ALKAL2: variants seen among roughly 807,000 people sequenced by gnomAD.
The protein encoded by ALKAL2 is ALK and LTK ligand 2.
Under a neutral mutation model 18.5 loss-of-function variants are expected in ALKAL2, and 8 were observed. The ratio of observed to expected loss-of-function variants is 0.43; its 90% CI spans 0.25 to 0.78. The LOEUF (loss-of-function observed/expected upper bound fraction) is 0.78. ALKAL2 is among the 30% of genes least tolerant of loss of function. The probability of loss-of-function intolerance (pLI) is 0.22; values close to 1 mark genes in which losing one functional copy is unlikely to be tolerated. For synonymous variants in ALKAL2, 135 were observed against 95.8 expected (o/e 1.41, Z -2.39); for missense variants, 241 against 211.2 (o/e 1.14, Z -0.88).
In ALKAL2 at chr2:288,043, G is replaced by C. The variant is rs1670591104; in HGVS notation, c.-88C>G. ...CGGACCCCGAGGAACAAGCCGGCAG[G>C]TGAGGGAGCCGCGGTCTCCTCGACG... is the stretch of plus-strand genomic sequence containing the variant. On this transcript the variant is annotated 5_prime_UTR_variant, in exon 1 of 6. Transcript: ENST00000403610. The C allele has an allele frequency of 8.2e-7, 1 of 1,216,616 alleles. No homozygotes were observed. Among genetic ancestry groups the C allele is most frequent in the Non-Finnish European group, 1.0e-6 (1 of 979,714 alleles). 75.4% of individuals were successfully genotyped at this position (1,216,616 alleles called of 1,614,324 possible). A position where few individuals can be genotyped will look rare whatever the true frequency, so the allele number is the denominator to read the frequency against.
chr2:283,952 A>C (rs1220729867), intron 4 of ALKAL2, among the ~76,000 whole-genome samples: 2 of 152,260 alleles, frequency 1.3e-5, no homozygotes, highest in Non-Finnish European at 2.9e-5. Context: ...TATGTTAGTT[A>C]AGGAGCCAGC....
intron 2 of ALKAL2, 129 bp downstream of exon 2, chr2:287,448 TAAAAAA>T (rs67240058): frequency 3.4e-3 from 1,470 of 437,404 alleles, no homozygotes; most frequent in South Asian, 5.0e-3. Flanking sequence ...TTCTTTTTCT[TAAAAAA>T]AAAAAAAAAA....
intron 5 of ALKAL2, among the ~76,000 whole-genome samples, chr2:280,504 G>C (rs1319887870): frequency 2.6e-5 from 4 of 152,168 alleles, no homozygotes; most frequent in African/African-American, 9.7e-5. Context: ...GTGTTCACAG[G>C]GTTGGTAAAG....
Position 287,754 on chromosome 2 carries a change from G to C in ALKAL2, c.82C>G (p.Pro28Ala). 6.9e-7 allele frequency: 1 copy of C among 1,446,830 alleles called. No individual in the cohort carries two copies. The highest frequency in any genetic ancestry group is 9.1e-7 in the Non-Finnish European group (1 of 1,103,630). The allele number at this position is 1,446,830 out of a possible 1,614,324, so 89.6% of individuals were successfully genotyped here. ...GCCTGTCCGTCCGCCGGCTCCCGGG[G>C]CTCCGCGCCCCCCCGGCCGCGCCCC... is the stretch of plus-strand genomic sequence containing the variant. ...AAGRGRGGAE[P>A]REPADGQALL... Residue 28 changes from proline to alanine, a missense_variant, in exon 2 of 6, where the codon CCC becomes GCC. Pro to Ala is a conservative substitution (Grantham distance 27). Coordinates refer to ENST00000403610, the MANE Select transcript of ALKAL2 (RefSeq NM_001002919.3).
In ALKAL2 at chr2:287,786, C is replaced by A; in HGVS notation, c.50G>T (p.Gly17Val). The A allele has an allele frequency of 7.2e-7, 1 of 1,393,746 alleles. No homozygotes were observed. The highest frequency in any genetic ancestry group is 1.6e-5 in the South Asian group (1 of 61,554). 86.3% of individuals were successfully genotyped at this position (1,393,746 alleles called of 1,614,324 possible). Residue 17 changes from glycine (G) to valine (V), a missense_variant, in exon 2 of 6, where the codon GGG becomes GTG. Coordinates refer to ENST00000403610, the MANE Select transcript of ALKAL2 (RefSeq NM_001002919.3). ...PLLLGLLLVLGAAGRGRGGAE... is the reference protein window; with the variant it reads ...PLLLGLLLVLVAAGRGRGGAE... ...GCCCCCCCGGCCGCGCCCCGCCGCCCCCAGCACCAGCAGCAGCCCCAGGAG... is the reference window on the plus strand; with the variant it reads ...GCCCCCCCGGCCGCGCCCCGCCGCCACCAGCACCAGCAGCAGCCCCAGGAG...
At chr2:281,513 T>C (rs1670343199) in intron 5 of ALKAL2, among the ~76,000 whole-genome samples, 1 of 152,192 alleles carries the variant, frequency 6.6e-6, no homozygotes, top group Non-Finnish European at 1.5e-5. Context: ...AGGGCATCAC[T>C]GTGGCGTTTG....
At position 287,645 on chromosome 2, in the gene ALKAL2, C is replaced by G. The variant is rs1315371153; in HGVS notation, c.191G>C (p.Arg64Pro). 3 of 1,481,886 alleles carry G rather than the reference C, an allele frequency of 2.0e-6. No individual in the cohort carries two copies. The highest frequency in any genetic ancestry group is 2.5e-5 in the South Asian group (2 of 78,460). 91.8% of individuals were successfully genotyped at this position (1,481,886 alleles called of 1,614,324 possible). ...CTCCGCGCGGCCCAGGGCGCAGTCC[C>G]GCCCGAGGAGCTGCAGGCCCTTGTG... is the stretch of plus-strand genomic sequence containing the variant. ...AEHKGLQLLGRDCALGRAEAA... is the reference protein window; with the variant it reads ...AEHKGLQLLGPDCALGRAEAA... The change falls in exon 2 of 6, where the codon CGG becomes CCG. Residue 64 changes from arginine to proline, a missense_variant. Arg to Pro is a moderately radical substitution (Grantham distance 103). Transcript: ENST00000403610.
chr2:281,627 G>A (rs1361015463), intron 5 of ALKAL2, among the ~76,000 whole-genome samples: 4 of 152,276 alleles, frequency 2.6e-5, no homozygotes, highest in East Asian at 1.9e-4. Flanking sequence ...AGCAGCCAGC[G>A]GAGGGGAGGC....
In ALKAL2 at chr2:280,165, A is replaced by G; in HGVS notation, c.454-13T>C. 6.2e-7 allele frequency: 1 copy of G among 1,613,970 alleles called. No homozygotes were observed. The highest frequency in any genetic ancestry group is 8.5e-7 in the Non-Finnish European group (1 of 1,179,872). On this transcript the variant is annotated splice_polypyrimidine_tract_variant and intron_variant, in intron 5 of 5. Coordinates refer to ENST00000403610, the MANE Select transcript of ALKAL2 (RefSeq NM_001002919.3). The stretch of plus-strand genomic sequence containing the variant: ...GGTCTGCTCACTGCTGAAAACAAAT[A>G]CATTGCGTGTGATATGACTATCCAC...
intron 2 of ALKAL2, 130 bp downstream of exon 2, chr2:287,453 A>C: frequency 3.2e-6 from 1 of 308,028 alleles, no homozygotes; most frequent in Non-Finnish European, 4.9e-6. Flanking sequence ...TTTCTTAAAA[A>C]AAAAAAAAAA....
At chr2:284,625 A>G (rs1207262210) in intron 4 of ALKAL2, among the ~76,000 whole-genome samples, 1 of 152,170 alleles carries the variant, frequency 6.6e-6, no homozygotes, top group Non-Finnish European at 1.5e-5. Flanking sequence ...AGCTGCTGTG[A>G]GCAAAAGGAG....
At chr2:282,597 G>A (rs111298953) in intron 5 of ALKAL2, among the ~76,000 whole-genome samples, 6 of 152,206 alleles carry the variant, frequency 3.9e-5, no homozygotes, top group African/African-American at 1.4e-4. Flanking sequence ...TCATAAACGT[G>A]GTATGCATTT....
At chr2:283,918 A>G (rs1670428853) in intron 4 of ALKAL2, among the ~76,000 whole-genome samples, 1 of 152,368 alleles carries the variant, frequency 6.6e-6, no homozygotes, top group Admixed American at 6.5e-5. Flanking sequence ...GAATGGGTAG[A>G]TTGACAATGA....
intron 4 of ALKAL2, 134 bp downstream of exon 4, chr2:285,989 C>A: frequency 2.9e-6 from 2 of 695,026 alleles, no homozygotes; most frequent in Non-Finnish European, 4.9e-6. Flanking sequence ...CGATCTTGGC[C>A]CCTAACTCCA....
chr2:286,072 C>T, intron 4 of ALKAL2, 51 bp downstream of exon 4: 2 of 1,508,546 alleles, frequency 1.3e-6, no homozygotes, highest in Non-Finnish European at 1.8e-6. Flanking sequence ...AGAGGGGAAC[C>T]GCTGCCTGCA....
rs1330323161 is a variant in ALKAL2, at chr2:287,639, C to A, written c.197G>T (p.Cys66Phe). 6.7e-7 allele frequency: 1 copy of A among 1,481,734 alleles called. No homozygotes were observed. Among genetic ancestry groups the A allele is most frequent in the Non-Finnish European group, 8.9e-7 (1 of 1,122,186 alleles). 91.8% of individuals were successfully genotyped at this position (1,481,734 alleles called of 1,614,324 possible). A position where few individuals can be genotyped will look rare whatever the true frequency, so the allele number is the denominator to read the frequency against. ...HKGLQLLGRD[C>F]ALGRAEAAGL... ...CGCCGCCTCCGCGCGGCCCAGGGCG[C>A]AGTCCCGCCCGAGGAGCTGCAGGCC... is the stretch of plus-strand genomic sequence containing the variant. Residue 66 changes from cysteine to phenylalanine, a missense_variant, in exon 2 of 6, where the codon TGC becomes TTC. Cys to Phe is a radical substitution (Grantham distance 205, BLOSUM62 -2). Transcript: ENST00000403610.
chr2:286,261 G>A (rs1670504077), intron 3 of ALKAL2, 29 bp downstream of exon 3: 2 of 1,611,544 alleles, frequency 1.2e-6, no homozygotes, highest in Admixed American at 1.7e-5. Context: ...GGAGCTCTGG[G>A]AGACGTGAGG....
chr2:281,790 C>G (rs1670363332), intron 5 of ALKAL2, among the ~76,000 whole-genome samples: 1 of 149,748 alleles, frequency 6.7e-6, no homozygotes. Flanking sequence ...AAAGAAATAC[C>G]TAAAAAAAAA....
intron 5 of ALKAL2, among the ~76,000 whole-genome samples, chr2:281,117 G>A (rs1670326540): frequency 6.6e-6 from 1 of 152,264 alleles, no homozygotes; most frequent in Non-Finnish European, 1.5e-5. Context: ...TATCTACACT[G>A]TGGTGACCAG....
Sources: gnomAD v4.1 joint callset for allele counts (sites outside exome capture counted in the v4.1 genomes callset) on GRCh38, gnomAD v4.1.1 for gene constraint, MANE v1.5 for transcripts, NCBI Gene and HGNC (gene_info 2026-07-23, HGNC 2026-07-21) for gene names.